Variants in WDR47 observed in about 807,000 individuals in gnomAD.
The protein encoded by WDR47 is WD repeat domain 47, also known as WD repeat-containing protein 47.
In WDR47, 32 loss-of-function variants were observed where a neutral mutation model predicts 97.2. The ratio of observed to expected loss-of-function variants is 0.33; its 90% CI spans 0.25 to 0.44. WDR47 has a LOEUF of 0.44. Ranked by LOEUF, WDR47 falls within the 20% of genes least tolerant of loss-of-function variation. The probability of loss-of-function intolerance (pLI) is 1.00; values close to 1 mark genes in which losing one functional copy is unlikely to be tolerated. For synonymous variants in WDR47, 375 were observed against 373.5 expected (o/e 1.00, Z -0.05); for missense variants, 782 against 1,102.3 (o/e 0.71, Z 4.11).
chr1:108,981,447 C>A (rs187874757), intron 13 of WDR47, among the ~76,000 whole-genome samples: 3 of 152,196 alleles, frequency 2.0e-5, no homozygotes, highest in Non-Finnish European at 4.4e-5. Flanking sequence ...CATGTGCATG[C>A]ATTTTAAAAA....
In WDR47 at chr1:108,996,926, G is replaced by C. The variant is rs189785956; in HGVS notation, c.1434-1089C>G. ...TGAGGTCAGGTTCGAGACCAGCCTG[G>C]CCAACATGGTGAAACCCCATCTCTA... On this transcript the variant is annotated intron_variant, in intron 7 of 14. Coordinates refer to ENST00000369962, the MANE Select transcript of WDR47 (RefSeq NM_001142551.2). Among the ~76,000 whole-genome samples, 85 of 152,112 alleles carry C rather than the reference G, an allele frequency of 5.6e-4. 1 individual carries two copies. In the East Asian group the frequency reaches 0.016, roughly 29 times the overall value.
chr1:108,986,142 T>C (rs1658783435), intron 10 of WDR47, among the ~76,000 whole-genome samples: 1 of 152,112 alleles, frequency 6.6e-6, no homozygotes, highest in Non-Finnish European at 1.5e-5. Context: ...ACAGTATACG[T>C]AGGGTTCAGT....
At chr1:109,039,812 G>T (rs972056283) in intron 1 of WDR47, among the ~76,000 whole-genome samples, 1 of 151,940 alleles carries the variant, frequency 6.6e-6, no homozygotes, top group African/African-American at 2.4e-5. Context: ...AAGGCGGGTG[G>T]ATCACCTGAG....
chr1:109,004,249 A>G (rs539707161), intron 6 of WDR47, among the ~76,000 whole-genome samples: 6 of 152,030 alleles, frequency 3.9e-5, no homozygotes, highest in Non-Finnish European at 7.4e-5. Flanking sequence ...TGGGCGACAG[A>G]ACAAGACTCC....
intron 1 of WDR47, among the ~76,000 whole-genome samples, chr1:109,038,658 G>A (rs536530065): frequency 7.9e-5 from 12 of 150,978 alleles, no homozygotes; most frequent in African/African-American, 2.4e-4. Flanking sequence ...CAGCCTGAAC[G>A]ATAAAGTGAG....
chr1:109,010,358 T>C (rs1189297370), intron 5 of WDR47, among the ~76,000 whole-genome samples: 1 of 152,050 alleles, frequency 6.6e-6, no homozygotes, highest in Non-Finnish European at 1.5e-5. Flanking sequence ...GTCCAGGAGT[T>C]TGAGACCTGG....
chr1:109,001,866 G>A (rs1215203771), intron 7 of WDR47, among the ~76,000 whole-genome samples: 2 of 152,122 alleles, frequency 1.3e-5, no homozygotes, highest in East Asian at 3.9e-4. Flanking sequence ...ACTCCAGACT[G>A]GGCGACAGAG....
intron 2 of WDR47, among the ~76,000 whole-genome samples, chr1:109,018,951 C>T (rs1295094399): frequency 6.6e-6 from 1 of 152,126 alleles, no homozygotes; most frequent in African/African-American, 2.4e-5. Flanking sequence ...TGCCTGTAGT[C>T]CCAGCTATTC....
intron 7 of WDR47, among the ~76,000 whole-genome samples, chr1:108,997,261 CAAAAAAAA>C (rs539998525): frequency 2.5e-5 from 3 of 122,204 alleles, no homozygotes; most frequent in Non-Finnish European, 5.3e-5. Flanking sequence ...CCGTCTCTCC[CAAAAAAAA>C]AAAAAAGAAA....
At chr1:108,997,337 G>A (rs1659828100) in intron 7 of WDR47, among the ~76,000 whole-genome samples, 1 of 151,582 alleles carries the variant, frequency 6.6e-6, no homozygotes, top group South Asian at 2.1e-4. Context: ...TAGCTACTTG[G>A]AAGGCTGAGG....
intron 1 of WDR47, among the ~76,000 whole-genome samples, chr1:109,025,715 T>C (rs781215730): frequency 8.6e-5 from 13 of 151,746 alleles, no homozygotes; most frequent in African/African-American, 2.4e-4. Flanking sequence ...GCCTGGGCAA[T>C]AGAGCCAGAC....
intron 5 of WDR47, among the ~76,000 whole-genome samples, chr1:109,010,299 G>A (rs987093416): frequency 1.3e-5 from 2 of 152,166 alleles, no homozygotes; most frequent in African/African-American, 4.8e-5. Context: ...GTTCACACCT[G>A]TAATCCCAGA....
intron 13 of WDR47, among the ~76,000 whole-genome samples, chr1:108,975,374 G>A (rs1215954610): frequency 6.6e-6 from 1 of 151,796 alleles, no homozygotes; most frequent in Non-Finnish European, 1.5e-5. Flanking sequence ...CTGTAATCCA[G>A]CACTTTGGGA....
At chr1:108,988,710 C>G (rs1186857627) in intron 9 of WDR47, among the ~76,000 whole-genome samples, 1 of 151,900 alleles carries the variant, frequency 6.6e-6, no homozygotes, top group African/African-American at 2.4e-5. Flanking sequence ...AACAAACATC[C>G]CTTTAAAACT....
At chr1:108,991,662 C>G (rs1183897105) in intron 8 of WDR47, among the ~76,000 whole-genome samples, 1 of 152,098 alleles carries the variant, frequency 6.6e-6, no homozygotes, top group Non-Finnish European at 1.5e-5. Context: ...GAATGCTCTT[C>G]AGGAAAATTA....
chr1:109,011,378 C>T lies in WDR47; in HGVS notation c.668G>A (p.Ser223Asn). 6.2e-7 allele frequency: 1 copy of T among 1,614,202 alleles called. No homozygotes were observed. The highest frequency in any genetic ancestry group is 8.5e-7 in the Non-Finnish European group (1 of 1,180,050). The change falls in exon 5 of 15, where the codon AGC (serine) becomes AAC (asparagine). Residue 223 changes from serine (S) to asparagine (N), a missense_variant. Transcript: ENST00000369962. ...SKATGEEITE[S>N]EVLLGIDLLC... ...GAGGTCGATGCCAAGAAGCACTTCG[C>T]TTTCTGTAATTTCTTCTCCAGTTGC...
intron 3 of WDR47, among the ~76,000 whole-genome samples, chr1:109,014,619 G>C (rs1661286183): frequency 6.6e-6 from 1 of 151,662 alleles, no homozygotes; most frequent in African/African-American, 2.4e-5. Flanking sequence ...TTGTTTTGTA[G>C]AGACCGGGTC....
At chr1:109,023,623 T>C (rs1039061067) in intron 1 of WDR47, 102 bp from the exon 2 acceptor site, 55 of 1,184,716 alleles carry the variant, frequency 4.6e-5, no homozygotes, top group Non-Finnish European at 6.1e-5. Context: ...GAATCTTTAG[T>C]ACACATATTC....
intron 10 of WDR47, among the ~76,000 whole-genome samples, chr1:108,984,856 G>A (rs189293628): frequency 2.1e-4 from 32 of 152,162 alleles, no homozygotes; most frequent in African/African-American, 2.6e-4. Context: ...CCAGCCTGGC[G>A]ACAGAGTGAG....
Sources: allele counts gnomAD v4.1 joint callset (sites outside exome capture counted in the v4.1 genomes callset), GRCh38; gene constraint gnomAD v4.1.1; transcripts MANE v1.5; gene names NCBI Gene and HGNC (gene_info 2026-07-23, HGNC 2026-07-21).